METTL14: variants seen among roughly 807,000 people sequenced by gnomAD.
METTL14 encodes N(6)-adenosine-methyltransferase non-catalytic subunit METTL14.
In METTL14, 32 loss-of-function variants were observed where a neutral mutation model predicts 62.4. That is an observed-to-expected ratio of 0.51 (90% confidence interval 0.39 to 0.69). The LOEUF is 0.69. METTL14 is among the 30% of genes least tolerant of loss of function. METTL14 has a pLI of 0.00. For missense variants in METTL14, 340 were observed against 551.9 expected (o/e 0.62, Z 3.85); for synonymous variants, 150 against 180.0 (o/e 0.83, Z 1.34).
intron 10 of METTL14, among the ~76,000 whole-genome samples, chr4:118,709,038 A>T (rs1724843546): frequency 6.6e-6 from 1 of 152,242 alleles, no homozygotes; most frequent in Non-Finnish European, 1.5e-5. Context: ...CAGAAGTATA[A>T]TGTGCAGTGG....
intron 10 of METTL14, among the ~76,000 whole-genome samples, chr4:118,708,379 T>G (rs1403660460): frequency 1.3e-5 from 2 of 152,198 alleles, no homozygotes; most frequent in African/African-American, 4.8e-5. Context: ...ATATATTGAA[T>G]ATTATCTTCC....
chr4:118,686,296 C>T (rs1324499105), intron 1 of METTL14, among the ~76,000 whole-genome samples: 2 of 152,212 alleles, frequency 1.3e-5, no homozygotes, highest in Non-Finnish European at 2.9e-5. Context: ...AACCATTGTC[C>T]TTCACTTCTT....
rs1369369122 is a variant in METTL14 at position 118,711,697 on chromosome 4, C to G, written c.*1395C>G. 3.9e-5 allele frequency: 6 copies of G among 152,136 alleles called. No individual in the cohort carries two copies. The East Asian group carries it at 1.2e-3, about 29-fold the overall frequency. 9.4% of individuals were successfully genotyped at this position (152,136 alleles called of 1,614,324 possible). On this transcript the variant is annotated 3_prime_UTR_variant, in exon 11 of 11. Transcript: ENST00000388822. ...ATTTAACTCGCTTAACCCATTAGTACTATCTAGTACAAGACCCCTTTTTTT... is the reference window on the plus strand; with the variant it reads ...ATTTAACTCGCTTAACCCATTAGTAGTATCTAGTACAAGACCCCTTTTTTT...
chr4:118,687,793 G>T, intron 1 of METTL14, 130 bp from the exon 2 acceptor site: 1 of 591,804 alleles, frequency 1.7e-6, no homozygotes, highest in African/African-American at 2.0e-5. Flanking sequence ...ATTGTTTTGT[G>T]TGTGTGTGTG....
chr4:118,714,484 T>C lies in METTL14; in HGVS notation c.*4182T>C, dbSNP rs907333648. 1 of 152,228 alleles carries C rather than the reference T, an allele frequency of 6.6e-6. No homozygotes were observed. The highest frequency in any genetic ancestry group is 1.5e-5 in the Non-Finnish European group (1 of 68,040). 9.4% of individuals were successfully genotyped at this position (152,228 alleles called of 1,614,324 possible). On this transcript the variant is annotated 3_prime_UTR_variant, in exon 11 of 11. Coordinates refer to ENST00000388822, the MANE Select transcript of METTL14 (RefSeq NM_020961.4). ...TCTGAGATGTTCATGTGCATTTCCC[T>C]ACATTTTAGAGGTTGACAAAATAGT...
At chr4:118,689,669 A>C (rs1724185666) in intron 3 of METTL14, among the ~76,000 whole-genome samples, 1 of 143,528 alleles carries the variant, frequency 7.0e-6, no homozygotes, top group African/African-American at 2.6e-5. Context: ...TTTGTGACGG[A>C]GTCTCGCTCT....
intron 10 of METTL14, among the ~76,000 whole-genome samples, chr4:118,708,599 G>A (rs1369017639): frequency 6.6e-6 from 1 of 151,394 alleles, no homozygotes; most frequent in Admixed American, 6.6e-5. Flanking sequence ...AACTAAAAAT[G>A]TTTTAAAAAA....
intron 1 of METTL14, chr4:118,686,690 C>T (rs1053247075): frequency 4.4e-6 from 2 of 454,550 alleles, no homozygotes; most frequent in East Asian, 7.0e-5. Context: ...ATCGTATTAT[C>T]TTCAAAAATG....
chr4:118,709,479 T>TA (rs11398154), intron 10 of METTL14, among the ~76,000 whole-genome samples: 43,464 of 151,096 alleles, frequency 0.29, 7,119 homozygotes, highest in Non-Finnish European at 0.37. Flanking sequence ...ATTGACCTTG[T>TA]AAAAAAAAAT....
chr4:118,703,079 T>G (rs1724651960), intron 8 of METTL14, among the ~76,000 whole-genome samples: 1 of 151,836 alleles, frequency 6.6e-6, no homozygotes, highest in Non-Finnish European at 1.5e-5. Context: ...TAATCTACAT[T>G]AGGTATTTCT....
At position 118,707,001 on chromosome 4, in the gene METTL14, T is replaced by C. The variant is rs145495447; in HGVS notation, c.1066+1180T>C. On this transcript the variant is annotated intron_variant, in intron 10 of 10. Transcript: ENST00000388822. ...ATAGTACTTTATCAGATTTGTTTTT[T>C]GCAAATATTTTCTCTTATTCGGTGA... Among the ~76,000 whole-genome samples the C allele has an allele frequency of 2.0e-5, 3 of 152,316 alleles. No individual in the cohort carries two copies. The East Asian group carries it at 5.8e-4, about 29-fold the overall frequency.
At chr4:118,701,563 G>A (rs1724590403) in intron 8 of METTL14, among the ~76,000 whole-genome samples, 1 of 152,080 alleles carries the variant, frequency 6.6e-6, no homozygotes, top group Non-Finnish European at 1.5e-5. Context: ...TTATGACTAG[G>A]TATCAGGAGT....
Position 118,697,175 on chromosome 4 carries a change from C to T in METTL14, c.504-7C>T, listed in dbSNP as rs1287403571. 1.3e-6 allele frequency: 2 copies of T among 1,568,056 alleles called. No individual in the cohort carries two copies. Among genetic ancestry groups the T allele is most frequent in the Non-Finnish European group, 1.7e-6 (2 of 1,165,276 alleles). ...AAAACCTCATTTTTAATGCTTTAAT[C>T]AAATAGGTACTTACAAGCCGATATA... On this transcript the variant is annotated splice_region_variant and splice_polypyrimidine_tract_variant and intron_variant, in intron 6 of 10. Coordinates refer to ENST00000388822, the MANE Select transcript of METTL14 (RefSeq NM_020961.4).
intron 10 of METTL14, among the ~76,000 whole-genome samples, chr4:118,709,149 GAAAAT>G (rs1192828541): frequency 6.6e-6 from 1 of 152,192 alleles, no homozygotes; most frequent in Non-Finnish European, 1.5e-5. Context: ...GGATAGAAAA[GAAAAT>G]AATATGGGCA....
At chr4:118,685,647 G>C (rs1368998204) in intron 1 of METTL14, 47 bp downstream of exon 1, 6 of 1,557,000 alleles carry the variant, frequency 3.9e-6, no homozygotes, top group Non-Finnish European at 5.3e-6. Flanking sequence ...GAATGCGAGT[G>C]CGCGGCCGCC....
At position 118,713,181 on chromosome 4, in the gene METTL14, A is replaced by AACAG. The variant is rs1724976365; in HGVS notation, c.*2880_*2881insCAGA. ...AGCAGTTCTGCTCTGTTACTCTGGTAAGTAGTAGAGCCACTTTATGAGCCC... is the reference window on the plus strand; with the variant it reads ...AGCAGTTCTGCTCTGTTACTCTGGTAACAGAGTAGTAGAGCCACTTTATGAGCCC... On this transcript the variant is annotated 3_prime_UTR_variant, in exon 11 of 11. Transcript: ENST00000388822. The AACAG allele has an allele frequency of 6.6e-6, 1 of 152,166 alleles. No individual in the cohort carries two copies. The highest frequency in any genetic ancestry group is 1.5e-5 in the Non-Finnish European group (1 of 68,036). The allele number at this position is 152,166 out of a possible 1,614,324, so 9.4% of individuals were successfully genotyped here.
At chr4:118,701,084 GAGAA>G (rs1406793301) in intron 8 of METTL14, among the ~76,000 whole-genome samples, 1 of 151,910 alleles carries the variant, frequency 6.6e-6, no homozygotes, top group Admixed American at 6.6e-5. Flanking sequence ...ATGAATGAAT[GAGAA>G]AGAAGTTATA....
intron 3 of METTL14, among the ~76,000 whole-genome samples, chr4:118,689,863 C>A (rs992339840): frequency 5.9e-5 from 9 of 151,696 alleles, no homozygotes; most frequent in Non-Finnish European, 1.3e-4. Context: ...TGGTCTTGAT[C>A]TCTTTACCTG....
chr4:118,691,656 G>A, intron 4 of METTL14, 44 bp downstream of exon 4: 4 of 955,302 alleles, frequency 4.2e-6, no homozygotes, highest in Non-Finnish European at 6.2e-6. Context: ...TCATATTTAA[G>A]TTCTATACCT....
Sources: allele counts gnomAD v4.1 joint callset (sites outside exome capture counted in the v4.1 genomes callset), GRCh38; gene constraint gnomAD v4.1.1; transcripts MANE v1.5; gene names NCBI Gene and HGNC (gene_info 2026-07-23, HGNC 2026-07-21).